The following CBY2 variants were observed in gnomAD, a reference collection of about 807,000 sequenced individuals.
CBY2 encodes the protein protein chibby homolog 2.
In CBY2, 23 loss-of-function variants were observed where a neutral mutation model predicts 25.3. That is an observed-to-expected ratio of 0.91 (90% CI 0.65 to 1.29). The LOEUF is 1.29. Ranked by LOEUF, CBY2 falls within the 50% of genes most tolerant of loss-of-function variation. CBY2 has a pLI of 0.00. For synonymous variants in CBY2, 279 were observed against 260.2 expected (o/e 1.07, Z -0.70); for missense variants, 642 against 590.7 (o/e 1.09, Z -0.90).
Position 45,713,419 on chromosome 13 carries a change from G to T in CBY2, c.394G>T (p.Asp132Tyr). The change falls in exon 3 of 3, where the codon GAC (aspartate) becomes TAC (tyrosine). Residue 132 changes from aspartate (D) to tyrosine (Y), a missense_variant. Coordinates refer to ENST00000310521, the MANE Select transcript of CBY2 (RefSeq NM_152719.3). The surrounding 1 kb of genome is among the most constrained non-coding windows in gnomAD (Gnocchi z 5.0). The part of the protein sequence containing the change: ...QLSDEMFVFQ[D>Y]GRWVNENCRL... ...CAGCGACGAGATGTTCGTGTTCCAGGACGGGCGCTGGGTAAATGAGAACTG... is the reference window on the plus strand; with the variant it reads ...CAGCGACGAGATGTTCGTGTTCCAGTACGGGCGCTGGGTAAATGAGAACTG... The T allele has an allele frequency of 6.2e-7, 1 of 1,614,218 alleles. No homozygotes were observed. Among genetic ancestry groups the T allele is most frequent in the East Asian group, 2.2e-5 (1 of 44,874 alleles).
chr13:45,707,827 T>C (rs1427321700), intron 2 of CBY2, among the ~76,000 whole-genome samples: 1 of 152,246 alleles, frequency 6.6e-6, no homozygotes, highest in Non-Finnish European at 1.5e-5. Flanking sequence ...TATGTAATCT[T>C]ATGCAGAATC....
At chr13:45,702,722 G>C in intron 1 of CBY2, 53 bp from the exon 2 acceptor site, 1 of 1,415,280 alleles carries the variant, frequency 7.1e-7, no homozygotes, top group South Asian at 1.2e-5. Context: ...AGCAATTGAG[G>C]CCCAGAGGAT....
intron 2 of CBY2, among the ~76,000 whole-genome samples, chr13:45,712,969 A>G (rs1430033436): frequency 1.3e-5 from 2 of 152,234 alleles, no homozygotes; most frequent in Non-Finnish European, 2.9e-5. Flanking sequence ...TTGCTAATTC[A>G]GTATTGGAAC....
chr13:45,702,750 T>A, intron 1 of CBY2, 25 bp from the exon 2 acceptor site: 3 of 1,590,852 alleles, frequency 1.9e-6, no homozygotes, highest in East Asian at 2.2e-5. Flanking sequence ...GAAGCAGTAA[T>A]CTTCTTCTTT....
intron 2 of CBY2, chr13:45,703,229 T>G: frequency 7.9e-7 from 1 of 1,262,896 alleles, no homozygotes; most frequent in Non-Finnish European, 1.0e-6. Context: ...TGAAATCAAA[T>G]GCATAAGAAT....
chr13:45,713,315 C>T lies in CBY2; in HGVS notation c.290C>T (p.Ser97Phe). The change falls in exon 3 of 3, where the codon TCC becomes TTC. Residue 97 changes from serine (S) to phenylalanine (F), a missense_variant. Transcript: ENST00000310521. This position sits in a 1 kb window ranked among gnomAD's most constrained non-coding sequence, Gnocchi z 5.0. ...QHSYPLNRFSSVPLDPMERPM... is the reference protein window; with the variant it reads ...QHSYPLNRFSFVPLDPMERPM... ...TCCTATCCACTGAACCGCTTCTCCT[C>T]CGTGCCTTTAGACCCCATGGAGCGC... The T allele has an allele frequency of 6.2e-7, 1 of 1,614,170 alleles. No individual in the cohort carries two copies. The highest frequency in any genetic ancestry group is 1.3e-5 in the African/African-American group (1 of 75,070).
rs537719603 is a variant in CBY2 at position 45,704,971 on chromosome 13, C to T, written c.156+2116C>T. ...AAGCTGCTCTATTCTGGGATGGAGTCCACTTTCCATTTGTTTCAGAAAGGA... is the reference window on the plus strand; with the variant it reads ...AAGCTGCTCTATTCTGGGATGGAGTTCACTTTCCATTTGTTTCAGAAAGGA... On this transcript the variant is annotated intron_variant, in intron 2 of 2. Transcript: ENST00000310521. This position sits in a 1 kb window ranked among gnomAD's most constrained non-coding sequence, Gnocchi z 4.1. Among the ~76,000 whole-genome samples the T allele has an allele frequency of 6.6e-6, 1 of 152,302 alleles. No individual in the cohort carries two copies. Among genetic ancestry groups the T allele is most frequent in the South Asian group, 2.1e-4 (1 of 4,822 alleles).
intron 2 of CBY2, among the ~76,000 whole-genome samples, chr13:45,710,351 C>T (rs1161209703): frequency 6.6e-6 from 1 of 152,052 alleles, no homozygotes; most frequent in Non-Finnish European, 1.5e-5. Flanking sequence ...GATGAAACCC[C>T]GTCTCTACTA....
Position 45,713,330 on chromosome 13 carries a change from C to T in CBY2, c.305C>T (p.Pro102Leu). ...LNRFSSVPLD[P>L]MERPMSQADL... Reference sequence around the variant, plus strand: ...CGCTTCTCCTCCGTGCCTTTAGACCCCATGGAGCGCCCCATGTCCCAGGCC... The same window carrying T: ...CGCTTCTCCTCCGTGCCTTTAGACCTCATGGAGCGCCCCATGTCCCAGGCC... The change falls in exon 3 of 3, where the codon CCC (proline) becomes CTC (leucine). Residue 102 changes from proline to leucine, a missense_variant. By Grantham distance (98) the Pro-to-Leu change is moderately conservative. Transcript: ENST00000310521. The surrounding 1 kb of genome is among the most constrained non-coding windows in gnomAD (Gnocchi z 5.0). 5 of 1,614,196 alleles carry T rather than the reference C, an allele frequency of 3.1e-6. No homozygotes were observed. Among genetic ancestry groups the T allele is most frequent in the Non-Finnish European group, 3.4e-6 (4 of 1,180,046 alleles).
At chr13:45,705,457 G>A (rs766880880) in intron 2 of CBY2, among the ~76,000 whole-genome samples, 113 of 152,136 alleles carry the variant, frequency 7.4e-4, no homozygotes, top group Non-Finnish European at 1.2e-3. Flanking sequence ...GTTTGTGCTT[G>A]TTACTCAGAA....
rs553162801 is a variant in CBY2, at chr13:45,711,976, T to C, written c.157-1206T>C. Among the ~76,000 whole-genome samples, 4 of 152,294 alleles carry C rather than the reference T, an allele frequency of 2.6e-5. No homozygotes were observed. The East Asian group carries it at 7.7e-4, about 29-fold the overall frequency. ...TGCATTAGAAGCTGGGGTGAATGTT[T>C]AAGGGGCTGCTAGCAGAAAAGACTC... On this transcript the variant is annotated intron_variant, in intron 2 of 2. Transcript: ENST00000310521.
At chr13:45,703,478 T>A in intron 2 of CBY2, 1 of 1,549,206 alleles carries the variant, frequency 6.5e-7, no homozygotes, top group Non-Finnish European at 8.7e-7. Context: ...CTACTGCTGC[T>A]ATGTCACAAA....
intron 2 of CBY2, chr13:45,703,489 G>C (rs1950222607): frequency 7.1e-6 from 11 of 1,549,828 alleles, no homozygotes; most frequent in Non-Finnish European, 8.7e-6. Context: ...ATGTCACAAA[G>C]GGGTGGCTTT....
chr13:45,712,070 G>A (rs917895649), intron 2 of CBY2, among the ~76,000 whole-genome samples: 1 of 152,186 alleles, frequency 6.6e-6, no homozygotes, highest in Non-Finnish European at 1.5e-5. Flanking sequence ...CAACGGCACC[G>A]CCATTTTGGA....
In CBY2 at chr13:45,704,537, A is replaced by G. The variant is rs1950229525; in HGVS notation, c.156+1682A>G. ...TGTCTACAACTAGATGATCCGAACC[A>G]AAATACCACCAGGCCTGCGAGAGGG... On this transcript the variant is annotated intron_variant, in intron 2 of 2. Coordinates refer to ENST00000310521, the MANE Select transcript of CBY2 (RefSeq NM_152719.3). This position sits in a 1 kb window ranked among gnomAD's most constrained non-coding sequence, Gnocchi z 4.1. Among the ~76,000 whole-genome samples the G allele has an allele frequency of 6.6e-6, 1 of 152,194 alleles. No homozygotes were observed. The highest frequency in any genetic ancestry group is 1.5e-5 in the Non-Finnish European group (1 of 68,034).
Position 45,713,644 on chromosome 13 carries a change from C to A in CBY2, c.619C>A (p.Leu207Met). ...CTTCTGGGAGGAGCACAAGGCCTCGCTGGGCCGAGAGGAGAGCCGGGCCCC... is the reference window on the plus strand; with the variant it reads ...CTTCTGGGAGGAGCACAAGGCCTCGATGGGCCGAGAGGAGAGCCGGGCCCC... ...QVFWEEHKAS[L>M]GREESRAPSP... The change falls in exon 3 of 3, where the codon CTG becomes ATG. Residue 207 changes from leucine (L) to methionine (M), a missense_variant. Transcript: ENST00000310521. The surrounding 1 kb of genome is among the most constrained non-coding windows in gnomAD (Gnocchi z 5.0). 1.2e-6 allele frequency: 2 copies of A among 1,613,598 alleles called. No homozygotes were observed. Among genetic ancestry groups the A allele is most frequent in the Non-Finnish European group, 1.7e-6 (2 of 1,179,976 alleles).
At chr13:45,708,774 A>T (rs1309046000) in intron 2 of CBY2, among the ~76,000 whole-genome samples, 1 of 152,228 alleles carries the variant, frequency 6.6e-6, no homozygotes, top group Non-Finnish European at 1.5e-5. Flanking sequence ...AAAATTTTTA[A>T]ATGTTCTAAG....
At chr13:45,710,217 G>A (rs1324986883) in intron 2 of CBY2, among the ~76,000 whole-genome samples, 1 of 152,140 alleles carries the variant, frequency 6.6e-6, no homozygotes, top group Non-Finnish European at 1.5e-5. Flanking sequence ...GTGCAAGGAT[G>A]GAGAGAACCT....
rs1371815095 is a variant in CBY2 at position 45,713,667 on chromosome 13, C to G, written c.642C>G (p.Ala214=). ...CGCTGGGCCGAGAGGAGAGCCGGGCCCCCTCGCCACTGCTGCACAAAGACA... is the reference window on the plus strand; with the variant it reads ...CGCTGGGCCGAGAGGAGAGCCGGGCGCCCTCGCCACTGCTGCACAAAGACA... ...KASLGREESR[A]PSPLLHKDSA... is the part of the protein sequence containing the mutation. Residue 214 remains alanine (A), a synonymous_variant, in exon 3 of 3, where the codon GCC becomes GCG. Transcript: ENST00000310521. The surrounding 1 kb of genome is among the most constrained non-coding windows in gnomAD (Gnocchi z 5.0). 4 of 1,613,042 alleles carry G rather than the reference C, an allele frequency of 2.5e-6. No individual in the cohort carries two copies. In the African/African-American group the frequency reaches 4.0e-5, roughly 16 times the overall value.
Sources: allele counts gnomAD v4.1 joint callset (sites outside exome capture counted in the v4.1 genomes callset), GRCh38; gene constraint gnomAD v4.1.1; non-coding constraint Gnocchi (gnomAD v3.1); transcripts MANE v1.5; gene names NCBI Gene and HGNC (gene_info 2026-07-23, HGNC 2026-07-21).